RIPOR1: variants seen among roughly 807,000 people sequenced by gnomAD.
RIPOR1 encodes the protein rho family-interacting cell polarization regulator 1.
In RIPOR1, 58 loss-of-function variants were observed where a neutral mutation model predicts 116.5. That is an observed-to-expected ratio of 0.50 (90% CI 0.40 to 0.62). The LOEUF is 0.62. Ranked by LOEUF, RIPOR1 falls within the 20% of genes least tolerant of loss-of-function variation. The pLI is 0.00. For missense variants in RIPOR1, 1,372 were observed against 1,586.2 expected, an observed-to-expected ratio of 0.86 and a Z score of 2.29; for synonymous variants, 605 against 650.0, an observed-to-expected ratio of 0.93 and a Z score of 1.05.
chr16:67,530,012 G>A lies in RIPOR1; in HGVS notation c.-24+1098G>A, dbSNP rs944583373. 4.5e-6 allele frequency: 3 copies of A among 668,862 alleles called. No homozygotes were observed. The highest frequency in any genetic ancestry group is 2.7e-6 in the Non-Finnish European group (1 of 370,420). The allele number at this position is 668,862 out of a possible 1,614,324, so 41.4% of individuals were successfully genotyped here. On this transcript the variant is annotated intron_variant, in intron 1 of 21. Transcript: ENST00000042381. The surrounding 1 kb of genome is among the most constrained non-coding windows in gnomAD (Gnocchi z 4.5). ...GTACAAAATACTCCAGCGGGACAAG[G>A]AGGACTGGCATAGCTCCTTCTTCCA...
chr16:67,542,720 C>T lies in RIPOR1; in HGVS notation c.1934C>T (p.Pro645Leu). 6.2e-7 allele frequency: 1 copy of T among 1,613,336 alleles called. No individual in the cohort carries two copies. The highest frequency in any genetic ancestry group is 1.7e-5 in the Admixed American group (1 of 59,954). ...CCTCCCACCACTACAAGTCCTACCC[C>T]CAGTGGTATGGGCCTAGTCCAGACT... is the stretch of plus-strand genomic sequence containing the variant. ...MSPPTTTSPTPSGMGLVQTAT... is the reference protein window; with the variant it reads ...MSPPTTTSPTLSGMGLVQTAT... Residue 645 changes from proline to leucine, a missense_variant, in exon 13 of 22, where the codon CCC becomes CTC. Pro to Leu is a moderately conservative substitution (Grantham distance 98). Transcript: ENST00000042381. This position sits in a 1 kb window ranked among gnomAD's most constrained non-coding sequence, Gnocchi z 4.6.
chr16:67,541,439 C>G lies in RIPOR1; in HGVS notation c.811C>G (p.Leu271Val), dbSNP rs768123120. 2 of 1,613,778 alleles carry G rather than the reference C, an allele frequency of 1.2e-6. No individual in the cohort carries two copies. The highest frequency in any genetic ancestry group is 1.1e-5 in the South Asian group (1 of 91,056). ...GCACTCTTGGCTACAGGTGACAGAA[C>G]TGAAGGGCCTGGCCAACCATGTGGT... is the stretch of plus-strand genomic sequence containing the variant. ...TEFLSIKVTE[L>V]KGLANHVVVG... The change falls in exon 11 of 22, where the codon CTG becomes GTG. Residue 271 changes from leucine (L) to valine (V), a missense_variant. Around this residue, in one of 3 missense-constraint regions of RIPOR1, gnomAD observed 202 missense variants for 295.9 expected, o/e 0.68. Coordinates refer to ENST00000042381, the MANE Select transcript of RIPOR1 (RefSeq NM_024519.4). The surrounding 1 kb of genome is among the most constrained non-coding windows in gnomAD (Gnocchi z 4.6).
intron 1 of RIPOR1, among the ~76,000 whole-genome samples, chr16:67,523,521 TAAAA>T (rs1169903442): frequency 0.087 from 3,793 of 43,778 alleles, 45 homozygotes; most frequent in African/African-American, 0.18. Flanking sequence ...CAAGACTCCA[TAAAA>T]AAAAAAAAAA....
chr16:67,545,534 G>A lies in RIPOR1; in HGVS notation c.3190G>A (p.Val1064Met). 1 of 1,614,044 alleles carries A rather than the reference G, an allele frequency of 6.2e-7. No homozygotes were observed. Among genetic ancestry groups the A allele is most frequent in the Non-Finnish European group, 8.5e-7 (1 of 1,180,004 alleles). ...CTACGTGACTGAGACCGCTGAGGAG[G>A]GTGAGGCGGTGGCCCTGATCACATA... ...EAYVTETAEE[V>M]LLVRNLNSDD... Residue 1064 changes from valine to methionine, a missense_variant and splice_region_variant, in exon 18 of 22, where the codon GTG becomes ATG. Coordinates refer to ENST00000042381, the MANE Select transcript of RIPOR1 (RefSeq NM_024519.4). The surrounding 1 kb of genome is among the most constrained non-coding windows in gnomAD (Gnocchi z 4.8).
intron 1 of RIPOR1, among the ~76,000 whole-genome samples, chr16:67,533,173 GGAGAAGT>G (rs2050705615): frequency 6.6e-6 from 1 of 152,174 alleles, no homozygotes; most frequent in Non-Finnish European, 1.5e-5. Flanking sequence ...GGAGTGTCAT[GGAGAAGT>G]TGAGACTAGG....
At chr16:67,528,998 C>T in intron 1 of RIPOR1, 84 bp downstream of exon 1, 1 of 167,406 alleles carries the variant, frequency 6.0e-6, no homozygotes, top group Non-Finnish European at 1.3e-5. Flanking sequence ...CCGGCGCCGC[C>T]CGGTGGGTCC....
Position 67,543,061 on chromosome 16 carries a change from C to A in RIPOR1, c.2275C>A (p.Pro759Thr), listed in dbSNP as rs764789523. 6.6e-7 allele frequency: 1 copy of A among 1,525,434 alleles called. No individual in the cohort carries two copies. Among genetic ancestry groups the A allele is most frequent in the East Asian group, 2.3e-5 (1 of 44,214 alleles). 94.5% of individuals were successfully genotyped at this position (1,525,434 alleles called of 1,614,324 possible). The change falls in exon 13 of 22, where the codon CCA becomes ACA. Residue 759 changes from proline to threonine, a missense_variant. Coordinates refer to ENST00000042381, the MANE Select transcript of RIPOR1 (RefSeq NM_024519.4). This position sits in a 1 kb window ranked among gnomAD's most constrained non-coding sequence, Gnocchi z 4.7. ...GAGTCTAAGCCCCACTCCCTCACCC[C>A]CAACCCCTGCACCCCAGCATTCAGA... is the stretch of plus-strand genomic sequence containing the variant. ...VQSLSPTPSP[P>T]TPAPQHSDLC...
chr16:67,545,806 T>G lies in RIPOR1; in HGVS notation c.3333T>G (p.Ala1111=), dbSNP rs781476520. 1 of 1,611,680 alleles carries G rather than the reference T, an allele frequency of 6.2e-7. No individual in the cohort carries two copies. The highest frequency in any genetic ancestry group is 1.1e-5 in the South Asian group (1 of 90,704). The change falls in exon 19 of 22, where the codon GCT becomes GCG. Residue 1111 remains alanine (A), a synonymous_variant. Coordinates refer to ENST00000042381, the MANE Select transcript of RIPOR1 (RefSeq NM_024519.4). This position sits in a 1 kb window ranked among gnomAD's most constrained non-coding sequence, Gnocchi z 4.8. The part of the protein sequence containing the change: ...LLVHGNNKVM[A]AVSTQLRSLS... The stretch of plus-strand genomic sequence containing the variant: ...TCCATGGCAACAACAAGGTCATGGC[T>G]GCTGTCAGCACCCAGCTCCGGAGCC...
At chr16:67,524,185 A>G (rs2050521712), upstream of RIPOR1, among the ~76,000 whole-genome samples, 1 of 152,218 alleles carries the variant, frequency 6.6e-6, no homozygotes, top group South Asian at 2.1e-4. Context: ...AAGCATCAGA[A>G]AGGAGAAATG....
chr16:67,545,764 C>G lies in RIPOR1; in HGVS notation c.3291C>G (p.Ala1097=). 2 of 1,612,708 alleles carry G rather than the reference C, an allele frequency of 1.2e-6. No individual in the cohort carries two copies. Among genetic ancestry groups the G allele is most frequent in the Non-Finnish European group, 1.7e-6 (2 of 1,179,390 alleles). Residue 1097 remains alanine, a synonymous_variant, in exon 19 of 22, where the codon GCC becomes GCG. Transcript: ENST00000042381. This position sits in a 1 kb window ranked among gnomAD's most constrained non-coding sequence, Gnocchi z 4.8. ...EGRLRRDGLR[A]LSSLLVHGNN... is the part of the protein sequence containing the mutation. ...GTCTGCGAAGGGACGGGCTGCGGGC[C>G]CTCAGCTCCCTGCTCGTCCATGGCA...
At position 67,529,584 on chromosome 16, in the gene RIPOR1, G is replaced by T; in HGVS notation, c.-24+670G>T. On this transcript the variant is annotated intron_variant, in intron 1 of 21. Transcript: ENST00000042381. This position sits in a 1 kb window ranked among gnomAD's most constrained non-coding sequence, Gnocchi z 4.1. ...GGTTTGGGCAAGGGGCTGCTCACCA[G>T]GGCTAGAGGTCGGATTCAGTCCAGA... 1 of 596,202 alleles carries T rather than the reference G, an allele frequency of 1.7e-6. No homozygotes were observed. Among genetic ancestry groups the T allele is most frequent in the Admixed American group, 3.0e-5 (1 of 33,056 alleles). The allele number at this position is 596,202 out of a possible 1,614,324, so 36.9% of individuals were successfully genotyped here.
chr16:67,526,084 T>C (rs1651098572), upstream of RIPOR1, among the ~76,000 whole-genome samples: 1 of 152,156 alleles, frequency 6.6e-6, no homozygotes, highest in Non-Finnish European at 1.5e-5. Flanking sequence ...AGGTGTTCCA[T>C]TTAATCACTG....
rs781015292 is a variant in RIPOR1 at position 67,546,499 on chromosome 16, C to T, written c.*36C>T. The T allele has an allele frequency of 3.2e-6, 5 of 1,575,304 alleles. No homozygotes were observed. Among genetic ancestry groups the T allele is most frequent in the South Asian group, 2.2e-5 (2 of 90,018 alleles). On this transcript the variant is annotated 3_prime_UTR_variant, in exon 22 of 22. Transcript: ENST00000042381. Reference sequence around the variant, plus strand: ...CATGGGTTCCTGGTGCCCCTTTCCCCCCACTTTCAGGGCTCACCAGGCACT... The same window carrying T: ...CATGGGTTCCTGGTGCCCCTTTCCCTCCACTTTCAGGGCTCACCAGGCACT...
upstream of RIPOR1, chr16:67,528,792 G>T (rs1322612457): frequency 3.9e-5 from 6 of 152,282 alleles, no homozygotes; most frequent in Non-Finnish European, 8.7e-5. Context: ...GAGGGGCGGC[G>T]GGGCGGCGGG....
intron 20 of RIPOR1, 37 bp downstream of exon 20, chr16:67,546,069 TCCGGCACCCCCACCCC>T: frequency 6.2e-7 from 1 of 1,605,258 alleles, no homozygotes; most frequent in Non-Finnish European, 8.5e-7. Flanking sequence ...TCTGTCCGCT[TCCGGCACCCCCACCCC>T]TGAAACCCTC....
chr16:67,528,709 G>A (rs779370043), upstream of RIPOR1: 1 of 151,964 alleles, frequency 6.6e-6, no homozygotes, highest in African/African-American at 2.4e-5. Context: ...CCGAGAGGGC[G>A]GAGCGAGCCG....
At position 67,537,693 on chromosome 16, in the gene RIPOR1, G is replaced by T. The variant is rs1031668304; in HGVS notation, c.-23-731G>T. 23 of 861,506 alleles carry T rather than the reference G, an allele frequency of 2.7e-5. No individual in the cohort carries two copies. The highest frequency in any genetic ancestry group is 3.5e-5 in the Non-Finnish European group (22 of 631,006). 53.4% of individuals were successfully genotyped at this position (861,506 alleles called of 1,614,324 possible). On this transcript the variant is annotated intron_variant, in intron 1 of 21. Transcript: ENST00000042381. This position sits in a 1 kb window ranked among gnomAD's most constrained non-coding sequence, Gnocchi z 4.6. ...AGGAGTGTGTGTTTCGCCGAAGCGGGGTGGGGGTCTGCCGAGGAGCTCTCC... is the reference window on the plus strand; with the variant it reads ...AGGAGTGTGTGTTTCGCCGAAGCGGTGTGGGGGTCTGCCGAGGAGCTCTCC...
Position 67,537,444 on chromosome 16 carries a change from G to A in RIPOR1, c.-23-980G>A, listed in dbSNP as rs1299209922. On this transcript the variant is annotated intron_variant, in intron 1 of 21. Transcript: ENST00000042381. The surrounding 1 kb of genome is among the most constrained non-coding windows in gnomAD (Gnocchi z 4.6). ...TCAGGCGGCAGGAACTGGGCGGGGG[G>A]CGGCGCCGGGAGGAGCCGAAGCCGA... The A allele has an allele frequency of 2.4e-6, 3 of 1,242,862 alleles. No individual in the cohort carries two copies. Among genetic ancestry groups the A allele is most frequent in the East Asian group, 3.2e-5 (1 of 31,182 alleles). The allele number at this position is 1,242,862 out of a possible 1,614,324, so 77.0% of individuals were successfully genotyped here.
At position 67,543,523 on chromosome 16, in the gene RIPOR1, G is replaced by A; in HGVS notation, c.2600+54G>A. ...GGCTAGGTGAGAGGGAAAAGGTGAGGCAGGACCAGGGGAAGGTGGAACAGG... is the reference window on the plus strand; with the variant it reads ...GGCTAGGTGAGAGGGAAAAGGTGAGACAGGACCAGGGGAAGGTGGAACAGG... On this transcript the variant is annotated intron_variant, in intron 14 of 21. Transcript: ENST00000042381. The surrounding 1 kb of genome is among the most constrained non-coding windows in gnomAD (Gnocchi z 4.7). 1 of 1,540,278 alleles carries A rather than the reference G, an allele frequency of 6.5e-7. No individual in the cohort carries two copies. The highest frequency in any genetic ancestry group is 1.2e-5 in the South Asian group (1 of 83,958).
Sources: allele counts gnomAD v4.1 joint callset (sites outside exome capture counted in the v4.1 genomes callset), GRCh38; gene constraint gnomAD v4.1.1; regional missense constraint gnomAD v4.1.1; non-coding constraint Gnocchi (gnomAD v3.1); transcripts MANE v1.5; gene names NCBI Gene and HGNC (gene_info 2026-07-23, HGNC 2026-07-21).